The following IPO5 variants were observed in gnomAD, a reference collection of about 807,000 sequenced individuals.
IPO5 encodes the protein importin 5, also known as importin-5.
A neutral mutation model predicts 143.3 loss-of-function variants in IPO5; 18 were observed. The ratio of observed to expected loss-of-function variants is 0.13; its 90% CI spans 0.09 to 0.19. IPO5 has a LOEUF of 0.19. IPO5 is among the 10% of genes least tolerant of loss of function. The pLI, the probability that IPO5 is intolerant of heterozygous loss-of-function variation, is 1.00. For missense variants in IPO5, 1,013 were observed against 1,336.9 expected, an observed-to-expected ratio of 0.76 and a Z score of 3.78; for synonymous variants, 477 against 465.7, an observed-to-expected ratio of 1.02 and a Z score of -0.31.
At position 98,008,113 on chromosome 13, in the gene IPO5, T is replaced by C; in HGVS notation, c.1771T>C (p.Phe591Leu). The C allele has an allele frequency of 6.2e-7, 1 of 1,610,346 alleles. No homozygotes were observed. The highest frequency in any genetic ancestry group is 1.1e-5 in the South Asian group (1 of 90,986). ...MQLLLKTQTD[F>L]NDMEDDDPQI... The stretch of plus-strand genomic sequence containing the variant: ...GCTTTTGTTAAAGACCCAGACAGAC[T>C]TCAATGATATGGAAGATGATGATCC... The change falls in exon 18 of 29, where the codon TTC becomes CTC. Residue 591 changes from phenylalanine to leucine, a missense_variant. Physicochemically the swap from Phe to Leu is conservative, Grantham distance 22. Around this residue, in one of 2 missense-constraint regions of IPO5, gnomAD observed 685 missense variants for 994.9 expected, o/e 0.69. Coordinates refer to ENST00000651721, the MANE Select transcript of IPO5 (RefSeq NM_002271.6).
intron 12 of IPO5, among the ~76,000 whole-genome samples, chr13:97,998,053 G>T (rs948195558): frequency 6.6e-6 from 1 of 152,200 alleles, no homozygotes; most frequent in African/African-American, 2.4e-5. Context: ...TCGGCTCACC[G>T]CAAGCTCCGC....
At chr13:98,016,609 T>G in intron 24 of IPO5, 120 bp from the exon 25 acceptor site, 1 of 550,532 alleles carries the variant, frequency 1.8e-6, no homozygotes, top group South Asian at 3.8e-5. Flanking sequence ...TGATTTACCC[T>G]TAAAACAGGA....
At chr13:97,985,348 A>T in intron 5 of IPO5, 73 bp from the exon 6 acceptor site, 1 of 1,238,942 alleles carries the variant, frequency 8.1e-7, no homozygotes, top group Non-Finnish European at 1.2e-6. Context: ...CGCTTTTGAA[A>T]TATAAAAATA....
At chr13:98,020,426 A>T (rs1052970033) in intron 27 of IPO5, among the ~76,000 whole-genome samples, 3 of 152,214 alleles carry the variant, frequency 2.0e-5, no homozygotes, top group African/African-American at 7.2e-5. Flanking sequence ...CACTGACCAT[A>T]TCATTAAGGA....
chr13:97,959,255 G>A (rs1409114357), intron 2 of IPO5, among the ~76,000 whole-genome samples: 1 of 151,908 alleles, frequency 6.6e-6, no homozygotes, highest in East Asian at 1.9e-4. Flanking sequence ...GAACTATCAG[G>A]GTGCCCTGGG....
chr13:97,976,009 G>A (rs890031207), intron 3 of IPO5: 1 of 972,834 alleles, frequency 1.0e-6, no homozygotes, highest in Non-Finnish European at 1.2e-6. Context: ...TACGTAGGAA[G>A]TGGGTCTAAA....
chr13:97,969,791 A>G lies in IPO5; in HGVS notation c.-44A>G, dbSNP rs1331174288. On this transcript the variant is annotated 5_prime_UTR_variant, in exon 3 of 29. Transcript: ENST00000651721. Reference sequence around the variant, plus strand: ...GCAGCATGTCTTCAAATGCCTGAGGATCAAGTTGGAAAACTAGAAGCAACA... The same window carrying G: ...GCAGCATGTCTTCAAATGCCTGAGGGTCAAGTTGGAAAACTAGAAGCAACA... 1.2e-6 allele frequency: 2 copies of G among 1,612,832 alleles called. No homozygotes were observed. Among genetic ancestry groups the G allele is most frequent in the Non-Finnish European group, 8.5e-7 (1 of 1,179,116 alleles).
chr13:98,021,903 G>T lies in IPO5; in HGVS notation c.*81G>T. ...CTTTAGGTTTCTTTGTTTTGTTTTT[G>T]AGCAAAAGAGATCGGTAGTGTTGTG... On this transcript the variant is annotated 3_prime_UTR_variant, in exon 29 of 29. Coordinates refer to ENST00000651721, the MANE Select transcript of IPO5 (RefSeq NM_002271.6). 1 of 953,106 alleles carries T rather than the reference G, an allele frequency of 1.0e-6. No individual in the cohort carries two copies. Among genetic ancestry groups the T allele is most frequent in the South Asian group, 1.6e-5 (1 of 63,852 alleles). 59.0% of individuals were successfully genotyped at this position (953,106 alleles called of 1,614,324 possible). A position where few individuals can be genotyped will look rare whatever the true frequency, so the allele number is the denominator to read the frequency against.
intron 6 of IPO5, chr13:97,987,991 A>T: frequency 3.2e-6 from 1 of 309,156 alleles, no homozygotes; most frequent in Non-Finnish European, 7.2e-6. Context: ...CCCTCAAAGC[A>T]TCATCTTTAG....
Position 98,002,857 on chromosome 13 carries a change from T to C in IPO5, c.1324-7T>C. 3 of 1,608,444 alleles carry C rather than the reference T, an allele frequency of 1.9e-6. No homozygotes were observed. Among genetic ancestry groups the C allele is most frequent in the Non-Finnish European group, 2.5e-6 (3 of 1,177,660 alleles). ...AACATGTGTGCCCATTTGGTTTCAT[T>C]TCACAGGTGATTGCAGCTCTGCTGC... On this transcript the variant is annotated splice_region_variant and splice_polypyrimidine_tract_variant and intron_variant, in intron 15 of 28. Coordinates refer to ENST00000651721, the MANE Select transcript of IPO5 (RefSeq NM_002271.6).
intron 2 of IPO5, among the ~76,000 whole-genome samples, chr13:97,962,939 T>C (rs1885010391): frequency 6.6e-6 from 1 of 152,180 alleles, no homozygotes. Context: ...TTTGAGTTGA[T>C]GTTGTAGTCT....
chr13:98,016,668 A>G (rs1594131575), intron 24 of IPO5, 61 bp from the exon 25 acceptor site: 2 of 887,892 alleles, frequency 2.3e-6, no homozygotes, highest in East Asian at 6.0e-5. Context: ...AAATGTTACT[A>G]TTGATAATAG....
intron 2 of IPO5, among the ~76,000 whole-genome samples, chr13:97,968,112 C>T (rs975106851): frequency 2.6e-5 from 4 of 152,110 alleles, no homozygotes; most frequent in Admixed American, 1.3e-4. Context: ...CATGAGGCAC[C>T]GTGCCAAGCC....
At chr13:98,004,895 A>ATTTTAT (rs201291940) in intron 16 of IPO5, among the ~76,000 whole-genome samples, 2 of 145,520 alleles carry the variant, frequency 1.4e-5, no homozygotes. Context: ...ATTTTATTTT[A>ATTTTAT]TTTATTTATT....
chr13:97,970,439 T>C (rs1367984715), intron 3 of IPO5, among the ~76,000 whole-genome samples: 1 of 151,844 alleles, frequency 6.6e-6, no homozygotes, highest in Non-Finnish European at 1.5e-5. Flanking sequence ...GCCAAGATGG[T>C]GAAACCCCGT....
At chr13:97,968,743 T>C (rs548425922) in intron 2 of IPO5, among the ~76,000 whole-genome samples, 13 of 151,784 alleles carry the variant, frequency 8.6e-5, no homozygotes, top group Non-Finnish European at 1.8e-4. Flanking sequence ...CAGGCTGGAG[T>C]GCAGTGGCAC....
chr13:98,021,787 C>G lies in IPO5; in HGVS notation c.3259C>G (p.Gln1087Glu). The change falls in exon 29 of 29, where the codon CAG becomes GAG. Residue 1087 changes from glutamine to glutamate, a missense_variant. Physicochemically the swap from Gln to Glu is conservative, Grantham distance 29. Transcript: ENST00000651721. The part of the protein sequence containing the change: ...ECIAQLSPEQ[Q>E]AAIQELLNSA The stretch of plus-strand genomic sequence containing the variant: ...CATAGCACAGCTCAGTCCTGAGCAG[C>G]AGGCCGCCATTCAGGAGCTCCTGAA... 1 of 1,606,252 alleles carries G rather than the reference C, an allele frequency of 6.2e-7. No homozygotes were observed. The highest frequency in any genetic ancestry group is 8.5e-7 in the Non-Finnish European group (1 of 1,174,016).
chr13:98,018,182 T>C (rs1221510502), intron 25 of IPO5, among the ~76,000 whole-genome samples: 6 of 152,234 alleles, frequency 3.9e-5, no homozygotes, highest in Non-Finnish European at 7.3e-5. Flanking sequence ...TAATGTAGCA[T>C]TACCATTGTC....
chr13:97,968,332 A>G (rs1280504589), intron 2 of IPO5, among the ~76,000 whole-genome samples: 1 of 152,220 alleles, frequency 6.6e-6, no homozygotes, highest in East Asian at 1.9e-4. Flanking sequence ...TTCCATATTC[A>G]CTTGAGGAAA....
Sources: allele counts gnomAD v4.1 joint callset (sites outside exome capture counted in the v4.1 genomes callset), GRCh38; gene constraint gnomAD v4.1.1; regional missense constraint gnomAD v4.1.1; transcripts MANE v1.5; gene names NCBI Gene and HGNC (gene_info 2026-07-23, HGNC 2026-07-21).